Variants in F13A1 observed in about 807,000 individuals in gnomAD.
The protein encoded by F13A1 is coagulation factor XIII A chain, also known as FSF, A subunit.
A neutral mutation model predicts 80.1 loss-of-function variants in F13A1; 47 were observed. That is an observed-to-expected ratio of 0.59 (90% CI 0.46 to 0.75). The LOEUF (loss-of-function observed/expected upper bound fraction) is 0.75, where lower values mean the gene tolerates loss of function less well. Among genes scored for constraint, F13A1 ranks in the 30% least tolerant of loss-of-function variants. The pLI, the probability that F13A1 is intolerant of heterozygous loss-of-function variation, is 0.00. For synonymous variants in F13A1, 349 were observed against 344.9 expected, an observed-to-expected ratio of 1.01 and a Z score of -0.13; for missense variants, 817 against 930.4, an observed-to-expected ratio of 0.88 and a Z score of 1.59.
chr6:6,241,683 T>C (rs968296280), intron 6 of F13A1, among the ~76,000 whole-genome samples: 4 of 152,190 alleles, frequency 2.6e-5, no homozygotes, highest in African/African-American at 9.7e-5. Context: ...GGGTTAGATA[T>C]TGCTTTGTAA....
At chr6:6,212,675 T>G (rs376566591) in intron 8 of F13A1, among the ~76,000 whole-genome samples, 1 of 152,060 alleles carries the variant, frequency 6.6e-6, no homozygotes, top group African/African-American at 2.4e-5. Flanking sequence ...CAAAGCTGGA[T>G]GGAGAATAAC....
chr6:6,281,216 T>G (rs1340733095), intron 3 of F13A1, among the ~76,000 whole-genome samples: 1 of 152,240 alleles, frequency 6.6e-6, no homozygotes, highest in African/African-American at 2.4e-5. Flanking sequence ...TAGAAAATAA[T>G]TCCTTCATAT....
intron 13 of F13A1, among the ~76,000 whole-genome samples, chr6:6,155,871 T>C (rs1416414092): frequency 1.4e-4 from 22 of 152,248 alleles, no homozygotes; most frequent in Admixed American, 1.4e-3. Context: ...CTTTTCCTTA[T>C]TGCTGAAAGC....
intron 11 of F13A1, among the ~76,000 whole-genome samples, chr6:6,178,042 A>G (rs905961409): frequency 2.7e-4 from 2 of 7,336 alleles, no homozygotes; most frequent in Non-Finnish European, 9.5e-4. Context: ...GGCCACAGGG[A>G]GAGGGGGGGG....
intron 3 of F13A1, among the ~76,000 whole-genome samples, chr6:6,297,302 G>A (rs1758345179): frequency 6.6e-6 from 1 of 152,022 alleles, no homozygotes; most frequent in South Asian, 2.1e-4. Flanking sequence ...CTATTGATTG[G>A]AATAGTTTCA....
In F13A1 at chr6:6,213,213, A is replaced by G. The variant is rs1471906959; in HGVS notation, c.1112+8820T>C. ...GATACTCCTCGAGACGAGCAACTCC[A>G]AGACACATAATTGTCAGATTCACCA... On this transcript the variant is annotated intron_variant, in intron 8 of 14. Transcript: ENST00000264870. Among the ~76,000 whole-genome samples the G allele has an allele frequency of 3.7e-3, 558 of 152,140 alleles. 4 individuals are homozygous for G. The highest frequency in any genetic ancestry group is 5.3e-3 in the Non-Finnish European group (361 of 67,984).
At chr6:6,209,880 A>G (rs1761571154) in intron 8 of F13A1, among the ~76,000 whole-genome samples, 2 of 152,258 alleles carry the variant, frequency 1.3e-5, no homozygotes, top group South Asian at 4.2e-4. Context: ...GGCAGAGGGG[A>G]GAGAAAATGT....
At chr6:6,177,844 C>G (rs1368920056) in intron 11 of F13A1, among the ~76,000 whole-genome samples, 1 of 152,158 alleles carries the variant, frequency 6.6e-6, no homozygotes, top group East Asian at 1.9e-4. Context: ...TGGGAGGCCT[C>G]TCGGAGTTTT....
At chr6:6,182,461 G>A (rs1761005239) in intron 10 of F13A1, among the ~76,000 whole-genome samples, 1 of 152,188 alleles carries the variant, frequency 6.6e-6, no homozygotes, top group Non-Finnish European at 1.5e-5. Flanking sequence ...ATGCCACCAT[G>A]CCCATCGCTT....
At chr6:6,266,867 T>A in intron 3 of F13A1, 58 bp from the exon 4 acceptor site, 12 of 1,611,176 alleles carry the variant, frequency 7.4e-6, no homozygotes, top group Non-Finnish European at 8.5e-6. Flanking sequence ...ATTTTTGTTC[T>A]CACTCTGTTA....
chr6:6,187,940 G>A (rs1038309837), intron 10 of F13A1, among the ~76,000 whole-genome samples: 4 of 147,822 alleles, frequency 2.7e-5, no homozygotes, highest in Admixed American at 2.0e-4. Context: ...CTTCTTCCTG[G>A]TTTAGTCTTG....
At position 6,182,001 on chromosome 6, in the gene F13A1, G is replaced by A. The variant is rs769603355; in HGVS notation, c.1446C>T (p.Tyr482=). 6.2e-7 allele frequency: 1 copy of A among 1,614,186 alleles called. No individual in the cohort carries two copies. The highest frequency in any genetic ancestry group is 1.7e-5 in the Admixed American group (1 of 60,028). Residue 482 remains tyrosine (Y), a synonymous_variant, in exon 11 of 15, where the codon TAC becomes TAT. Transcript: ENST00000264870. The part of the protein sequence containing the change: ...GDGMMDITDT[Y]KFQEGQEEER... ...GTAGTAAATTACCTTCTTGGAATTT[G>A]TAAGTATCAGTAATATCCATCATGC...
chr6:6,297,726 G>A (rs1758353206), intron 3 of F13A1, among the ~76,000 whole-genome samples: 2 of 149,138 alleles, frequency 1.3e-5, no homozygotes, highest in Admixed American at 1.3e-4. Flanking sequence ...TTTTTGAAGG[G>A]TTTTTTGTGT....
At chr6:6,166,909 A>G (rs554384492) in intron 13 of F13A1, among the ~76,000 whole-genome samples, 70 of 152,338 alleles carry the variant, frequency 4.6e-4, no homozygotes, top group Middle Eastern at 3.4e-3. Context: ...GTAAAAGGCA[A>G]GAGGGAACCT....
At chr6:6,244,347 C>A (rs1757527033) in intron 6 of F13A1, among the ~76,000 whole-genome samples, 1 of 152,122 alleles carries the variant, frequency 6.6e-6, no homozygotes, top group African/African-American at 2.4e-5. Flanking sequence ...TTCATTTTTT[C>A]TAATTGCTTC....
At chr6:6,313,365 T>C (rs2113198971) in intron 2 of F13A1, among the ~76,000 whole-genome samples, 1 of 149,766 alleles carries the variant, frequency 6.7e-6, no homozygotes, top group East Asian at 2.0e-4. Flanking sequence ...ACTGTCTACC[T>C]AACACAATTT....
chr6:6,181,636 A>G (rs765997648), intron 11 of F13A1, among the ~76,000 whole-genome samples: 1 of 152,244 alleles, frequency 6.6e-6, no homozygotes, highest in Non-Finnish European at 1.5e-5. Context: ...AATTTCTATT[A>G]TTGGACTAAA....
chr6:6,147,676 C>T (rs974351601), intron 14 of F13A1, among the ~76,000 whole-genome samples: 13 of 152,156 alleles, frequency 8.5e-5, no homozygotes, highest in Non-Finnish European at 7.4e-5. Flanking sequence ...TGTAGATAAC[C>T]ACCTCAAATA....
chr6:6,275,945 A>G (rs1294211884), intron 3 of F13A1, among the ~76,000 whole-genome samples: 1 of 152,240 alleles, frequency 6.6e-6, no homozygotes, highest in African/African-American at 2.4e-5. Context: ...ATGTTCTACA[A>G]TGTAGACAAA....
Sources: allele counts gnomAD v4.1 joint callset (sites outside exome capture counted in the v4.1 genomes callset), GRCh38; gene constraint gnomAD v4.1.1; transcripts MANE v1.5; gene names NCBI Gene and HGNC (gene_info 2026-07-23, HGNC 2026-07-21).